LARGE1: variants seen among roughly 807,000 people sequenced by gnomAD.
LARGE1 encodes LARGE xylosyl- and glucuronyltransferase 1, also known as xylosyl- and glucuronyltransferase LARGE1.
In LARGE1, 43 loss-of-function variants were observed where a neutral mutation model predicts 87.6. The observed-to-expected ratio is 0.49, with a 90% CI of 0.38 to 0.63. The LOEUF (loss-of-function observed/expected upper bound fraction) is 0.63, where lower values mean the gene tolerates loss of function less well. Among genes scored for constraint, LARGE1 ranks in the 30% least tolerant of loss-of-function variants. LARGE1 has a pLI of 0.00. For synonymous variants in LARGE1, 434 were observed against 394.6 expected (o/e 1.10, Z -1.18); for missense variants, 802 against 1,000.2 (o/e 0.80, Z 2.67).
chr22:33,115,716 G>A, the LARGE1 span, among the ~76,000 whole-genome samples: 7 of 151,134 alleles, frequency 4.6e-5, no homozygotes, highest in South Asian at 1.0e-3. Context: ...TACTCGGGAC[G>A]CTGAGGCAGA....
chr22:33,651,914 C>T (rs954806635), intron 2 of LARGE1, among the ~76,000 whole-genome samples: 6 of 152,044 alleles, frequency 3.9e-5, no homozygotes, highest in African/African-American at 1.5e-4. Flanking sequence ...TGGCTCATGC[C>T]TGTAATCCCA....
At chr22:33,583,444 T>C (rs895385848) in intron 5 of LARGE1, among the ~76,000 whole-genome samples, 7 of 152,198 alleles carry the variant, frequency 4.6e-5, no homozygotes, top group Admixed American at 1.3e-4. Flanking sequence ...AGGATCCATA[T>C]TGTCACTAGG....
intron 7 of LARGE1, among the ~76,000 whole-genome samples, chr22:33,403,842 G>A (rs1359875752): frequency 6.6e-6 from 1 of 152,074 alleles, no homozygotes; most frequent in Non-Finnish European, 1.5e-5. Context: ...GATCTCAGGC[G>A]ATCCACCCAC....
chr22:33,523,441 T>C (rs892611927), intron 6 of LARGE1, among the ~76,000 whole-genome samples: 1 of 152,190 alleles, frequency 6.6e-6, no homozygotes, highest in African/African-American at 2.4e-5. Flanking sequence ...TCTGTACCCA[T>C]GGTTACTTGT....
rs1345693634 is a variant in LARGE1, at chr22:33,501,739, G to C, written c.787+63109C>G. Among the ~76,000 whole-genome samples the C allele has an allele frequency of 2.0e-5, 3 of 152,190 alleles. No homozygotes were observed. The East Asian group carries it at 5.8e-4, about 29-fold the overall frequency. On this transcript the variant is annotated intron_variant, in intron 6 of 14. Coordinates refer to ENST00000397394, the MANE Select transcript of LARGE1 (RefSeq NM_133642.5). Reference sequence around the variant, plus strand: ...CTCTCCACTCACCCAGGCATGATGTGGGTGATGCCGTCCTTCGAGCCCAAA... The same window carrying C: ...CTCTCCACTCACCCAGGCATGATGTCGGTGATGCCGTCCTTCGAGCCCAAA...
the LARGE1 span, among the ~76,000 whole-genome samples, chr22:33,130,677 G>A: frequency 7.2e-5 from 11 of 152,124 alleles, no homozygotes; most frequent in African/African-American, 2.7e-4. Flanking sequence ...AATACTCAGC[G>A]AAATCAAAGT....
At chr22:33,882,388 C>G (rs1442850454) in intron 1 of LARGE1, among the ~76,000 whole-genome samples, 1 of 152,142 alleles carries the variant, frequency 6.6e-6, no homozygotes, top group Non-Finnish European at 1.5e-5. Flanking sequence ...AAATGAAATG[C>G]CTGTGTTTCA....
intron 1 of LARGE1, chr22:33,856,935 T>G (rs2063772173): frequency 6.6e-6 from 1 of 152,070 alleles, no homozygotes; most frequent in Non-Finnish European, 1.5e-5. Context: ...AATAACTTTT[T>G]TTTTTCTTTT....
intron 2 of LARGE1, among the ~76,000 whole-genome samples, chr22:33,671,968 AATGTT>A (rs1313892037): frequency 6.6e-6 from 1 of 152,174 alleles, no homozygotes; most frequent in East Asian, 1.9e-4. Flanking sequence ...TTACCTTTCA[AATGTT>A]ATGTTTAGGA....
chr22:33,799,236 C>T (rs1322868935), intron 1 of LARGE1, among the ~76,000 whole-genome samples: 1 of 152,060 alleles, frequency 6.6e-6, no homozygotes, highest in African/African-American at 2.4e-5. Context: ...GCGAGCCTAT[C>T]CACGTGAAGT....
At chr22:33,075,233 C>T in the LARGE1 span, among the ~76,000 whole-genome samples, 2 of 152,168 alleles carry the variant, frequency 1.3e-5, no homozygotes, top group African/African-American at 4.8e-5. Flanking sequence ...GATATGGTAG[C>T]TATTATGTGA....
chr22:33,130,545 G>A, the LARGE1 span, among the ~76,000 whole-genome samples: 4 of 151,962 alleles, frequency 2.6e-5, no homozygotes, highest in Admixed American at 2.0e-4. Context: ...GCCATGCAAT[G>A]GGCATACTCC....
Position 33,848,854 on chromosome 22 carries a change from A to G in LARGE1, c.-83+71141T>C, listed in dbSNP as rs566348496. 3.7e-4 allele frequency among the ~76,000 whole-genome samples: 56 copies of G among 152,228 alleles called. 1 individual carries two copies. Among genetic ancestry groups the G allele is most frequent in the South Asian group, 2.5e-3 (12 of 4,820 alleles). ...CCGAGATGCCTCTTCGGGTCTGTAG[A>G]TTGGAGGGACATATTCACTATCTCC... On this transcript the variant is annotated intron_variant, in intron 1 of 14. Coordinates refer to ENST00000397394, the MANE Select transcript of LARGE1 (RefSeq NM_133642.5).
chr22:33,319,618 ACTC>A (rs1936520199), intron 10 of LARGE1, among the ~76,000 whole-genome samples: 2 of 151,974 alleles, frequency 1.3e-5, no homozygotes, highest in South Asian at 2.1e-4. Context: ...CTGGTCTTGA[ACTC>A]CTGACCTCAG....
chr22:33,592,369 T>G (rs906498798), intron 5 of LARGE1, among the ~76,000 whole-genome samples: 2 of 152,224 alleles, frequency 1.3e-5, no homozygotes, highest in African/African-American at 4.8e-5. Context: ...TTATTTCATT[T>G]GAAATAATCA....
In LARGE1 at chr22:33,458,173, C is replaced by CT. The variant is rs376135017; in HGVS notation, c.788-25909dup. On this transcript the variant is annotated intron_variant, in intron 6 of 14. Coordinates refer to ENST00000397394, the MANE Select transcript of LARGE1 (RefSeq NM_133642.5). ...TCAGGCTGGAGTGCAGTGGCATGAT[C>CT]TCGGCTCACTGCAAGCTCCATCTCC... 2.6e-3 allele frequency among the ~76,000 whole-genome samples: 390 copies of CT among 147,632 alleles called. 1 individual carries two copies. Among genetic ancestry groups the CT allele is most frequent in the African/African-American group, 7.7e-3 (306 of 39,830 alleles).
At chr22:33,539,584 C>T (rs1038809903) in intron 6 of LARGE1, among the ~76,000 whole-genome samples, 2 of 151,508 alleles carry the variant, frequency 1.3e-5, no homozygotes, top group African/African-American at 2.4e-5. Context: ...TAATTAAATC[C>T]TCCAAACTTT....
chr22:33,307,679 GA>G (rs1162893879), intron 11 of LARGE1, among the ~76,000 whole-genome samples: 3 of 152,086 alleles, frequency 2.0e-5, no homozygotes, highest in Non-Finnish European at 4.4e-5. Context: ...TTCTAGTGGG[GA>G]AAAAAGACAA....
At chr22:33,681,917 T>C (rs1197959286) in intron 2 of LARGE1, among the ~76,000 whole-genome samples, 1 of 152,196 alleles carries the variant, frequency 6.6e-6, no homozygotes, top group Non-Finnish European at 1.5e-5. Flanking sequence ...TTGTACCCAC[T>C]ACCTTAACTG....
Sources: allele counts gnomAD v4.1 joint callset (sites outside exome capture counted in the v4.1 genomes callset), GRCh38; gene constraint gnomAD v4.1.1; transcripts MANE v1.5; gene names NCBI Gene and HGNC (gene_info 2026-07-23, HGNC 2026-07-21).